EXOSC3: variants seen among roughly 807,000 people sequenced by gnomAD.
EXOSC3 encodes exosome complex component RRP40.
EXOSC3 carries 18 observed loss-of-function variants against 25.1 expected under a neutral mutation model. That is an observed-to-expected ratio of 0.72 (90% CI 0.50 to 1.06). EXOSC3 has a LOEUF of 1.06. EXOSC3 is among the 50% of genes least tolerant of loss of function. The pLI is 0.00. For synonymous variants in EXOSC3, 165 were observed against 132.2 expected, an observed-to-expected ratio of 1.25 and a Z score of -1.70; for missense variants, 382 against 350.9, an observed-to-expected ratio of 1.09 and a Z score of -0.71.
At chr9:37,783,862 G>T in intron 2 of EXOSC3, 52 bp downstream of exon 2, 1 of 1,583,992 alleles carries the variant, frequency 6.3e-7, no homozygotes, top group Non-Finnish European at 8.6e-7. Context: ...ATATGTGAGT[G>T]TTCTAGGGAA....
chr9:37,781,851 G>T, intron 3 of EXOSC3, 135 bp downstream of exon 3: 1 of 953,664 alleles, frequency 1.0e-6, no homozygotes, highest in Non-Finnish European at 1.6e-6. Context: ...TTCCAAATGT[G>T]TTAAAATGGA....
upstream of EXOSC3, chr9:37,785,087 TTCCGC>T: frequency 6.5e-7 from 1 of 1,544,902 alleles, no homozygotes; most frequent in East Asian, 2.3e-5. Flanking sequence ...CGCCTTCCGC[TTCCGC>T]TCCGCTTCCA....
intron 2 of EXOSC3, 171 bp downstream of exon 2, chr9:37,783,743 T>C (rs1828642457): frequency 1.7e-5 from 8 of 469,470 alleles, no homozygotes; most frequent in Non-Finnish European, 2.9e-5. Flanking sequence ...ATAATAATTA[T>C]GTGGCTCTGA....
rs955554007 is a variant in EXOSC3 at position 37,780,823 on chromosome 9, C to A, written c.684G>T (p.Glu228Asp). 2 of 1,613,654 alleles carry A rather than the reference C, an allele frequency of 1.2e-6. No individual in the cohort carries two copies. The highest frequency in any genetic ancestry group is 2.7e-5 in the African/African-American group (2 of 74,932). The change falls in exon 4 of 4, where the codon GAG becomes GAT. Residue 228 changes from glutamate to aspartate, a missense_variant. Physicochemically the swap from Glu to Asp is conservative, Grantham distance 45. Coordinates refer to ENST00000327304, the MANE Select transcript of EXOSC3 (RefSeq NM_016042.4). ...IQEVGKLYPL[E>D]IVFGMNGRIW... ...TTCTTCCATTCATTCCAAATACTAT[C>A]TCCAGTGGATAGAGTTTTCCCACTT...
chr9:37,783,869 G>A (rs748651701), intron 2 of EXOSC3, 45 bp downstream of exon 2: 3 of 1,592,792 alleles, frequency 1.9e-6, no homozygotes, highest in Non-Finnish European at 2.6e-6. Context: ...AGTGTTCTAG[G>A]GAATGGATGT....
chr9:37,780,746 A>G lies in EXOSC3; in HGVS notation c.761T>C (p.Leu254Ser). Residue 254 changes from leucine (L) to serine (S), a missense_variant, in exon 4 of 4, where the codon TTA (leucine) becomes TCA (serine). Physicochemically the swap from Leu to Ser is moderately radical, Grantham distance 145. Coordinates refer to ENST00000327304, the MANE Select transcript of EXOSC3 (RefSeq NM_016042.4). ...IQQTLILANILEACEHMTSDQ... is the reference protein window; with the variant it reads ...IQQTLILANISEACEHMTSDQ... ...TGACGTCATGTGTTCACAAGCTTCT[A>G]AAATGTTTGCCAAAATTAAAGTCTG... 6.2e-7 allele frequency: 1 copy of G among 1,614,030 alleles called. No individual in the cohort carries two copies. The highest frequency in any genetic ancestry group is 8.5e-7 in the Non-Finnish European group (1 of 1,179,928).
intron 2 of EXOSC3, among the ~76,000 whole-genome samples, chr9:37,783,308 G>A (rs181885995): frequency 4.6e-5 from 7 of 152,308 alleles, no homozygotes; most frequent in African/African-American, 1.4e-4. Context: ...GCCTGAACTT[G>A]TGGAGATAAA....
At chr9:37,784,676 C>T in intron 1 of EXOSC3, 45 bp downstream of exon 1, 1 of 1,537,208 alleles carries the variant, frequency 6.5e-7, no homozygotes. Context: ...CAAAGCAGGG[C>T]TACCACTCTC....
chr9:37,782,288 T>G lies in EXOSC3; in HGVS notation c.475-151A>C, dbSNP rs1212738625. 4 of 762,646 alleles carry G rather than the reference T, an allele frequency of 5.2e-6. No homozygotes were observed. The South Asian group carries it at 7.7e-5, about 15-fold the overall frequency. The allele number at this position is 762,646 out of a possible 1,614,324, so 47.2% of individuals were successfully genotyped here. A position where few individuals can be genotyped will look rare whatever the true frequency, so the allele number is the denominator to read the frequency against. ...AGGATTCCCACAGTCACTTTGGAGT[T>G]GAGTCTTGGGGAAAAAAAGGAACAC... On this transcript the variant is annotated intron_variant, in intron 2 of 3. Coordinates refer to ENST00000327304, the MANE Select transcript of EXOSC3 (RefSeq NM_016042.4).
At position 37,780,639 on chromosome 9, in the gene EXOSC3, GTT is replaced by G. The variant is rs760815181; in HGVS notation, c.*38_*39del. 3 of 1,565,384 alleles carry G rather than the reference GTT, an allele frequency of 1.9e-6. No individual in the cohort carries two copies. The highest frequency in any genetic ancestry group is 1.8e-6 in the Non-Finnish European group (2 of 1,140,694). ...GGAGGTTCACCTGAAAAAACCCATA[GTT>G]TTTTGCCTCAACTGACCTGTAAAAA... On this transcript the variant is annotated 3_prime_UTR_variant, in exon 4 of 4. Transcript: ENST00000327304.
chr9:37,785,068 T>G, upstream of EXOSC3: 1 of 1,573,736 alleles, frequency 6.4e-7, no homozygotes, highest in Non-Finnish European at 8.6e-7. Flanking sequence ...AAACACCGTT[T>G]CCGGTACCCG....
In EXOSC3 at chr9:37,780,747, A is replaced by C. The variant is rs1828572140; in HGVS notation, c.760T>G (p.Leu254Val). ...GACGTCATGTGTTCACAAGCTTCTA[A>C]AATGTTTGCCAAAATTAAAGTCTGC... is the stretch of plus-strand genomic sequence containing the variant. ...IQQTLILANI[L>V]EACEHMTSDQ... Residue 254 changes from leucine (L) to valine (V), a missense_variant, in exon 4 of 4, where the codon TTA becomes GTA. Physicochemically the swap from Leu to Val is conservative, Grantham distance 32. Transcript: ENST00000327304. 4 of 1,614,034 alleles carry C rather than the reference A, an allele frequency of 2.5e-6. No individual in the cohort carries two copies. In the East Asian group the frequency reaches 8.9e-5, roughly 36 times the overall value.
chr9:37,783,129 GAC>G (rs1589060404), intron 2 of EXOSC3, among the ~76,000 whole-genome samples: 1 of 152,206 alleles, frequency 6.6e-6, no homozygotes, highest in East Asian at 1.9e-4. Context: ...GATGAGGAAA[GAC>G]ACCTGGAGTG....
In EXOSC3 at chr9:37,781,973, C is replaced by CAT; in HGVS notation, c.626+11_626+12dup. ...TATAAAAAGCAGTCAAGCCAGCAGA[C>CAT]ATCAGGACTTACTTTCTAATTAAGC... On this transcript the variant is annotated intron_variant, in intron 3 of 3. Coordinates refer to ENST00000327304, the MANE Select transcript of EXOSC3 (RefSeq NM_016042.4). 6.2e-7 allele frequency: 1 copy of CAT among 1,611,110 alleles called. No homozygotes were observed. Among genetic ancestry groups the CAT allele is most frequent in the Non-Finnish European group, 8.5e-7 (1 of 1,179,190 alleles).
At position 37,781,827 on chromosome 9, in the gene EXOSC3, T is replaced by A. The variant is rs552607341; in HGVS notation, c.626+159A>T. Reference sequence around the variant, plus strand: ...TTGATATGTTTCCAAGAAGATAGGATTAAATTCATGAGTTTCCAAATGTGT... The same window carrying A: ...TTGATATGTTTCCAAGAAGATAGGAATAAATTCATGAGTTTCCAAATGTGT... On this transcript the variant is annotated intron_variant, in intron 3 of 3. Coordinates refer to ENST00000327304, the MANE Select transcript of EXOSC3 (RefSeq NM_016042.4). The A allele has an allele frequency of 2.7e-5, 21 of 769,654 alleles. No individual in the cohort carries two copies. The South Asian group carries it at 3.8e-4, about 14-fold the overall frequency. 47.7% of individuals were successfully genotyped at this position (769,654 alleles called of 1,614,324 possible).
chr9:37,783,919 C>T lies in EXOSC3; in HGVS notation c.469G>A (p.Val157Met). ...EGATKRNRPN[V>M]QVGDLIYGQF... ...CCAAAGGCTCCCGTAATTACCTGCACATTTGGTCTGTTTCTTTTAGTTGCA... is the reference window on the plus strand; with the variant it reads ...CCAAAGGCTCCCGTAATTACCTGCATATTTGGTCTGTTTCTTTTAGTTGCA... The change falls in exon 2 of 4, where the codon GTG becomes ATG. Residue 157 changes from valine to methionine, a missense_variant. Val to Met is a conservative substitution (Grantham distance 21). Transcript: ENST00000327304. 1 of 1,611,254 alleles carries T rather than the reference C, an allele frequency of 6.2e-7. No homozygotes were observed. The highest frequency in any genetic ancestry group is 8.5e-7 in the Non-Finnish European group (1 of 1,179,604).
rs1828567719 is a variant in EXOSC3 at position 37,780,672 on chromosome 9, ACCTATATCAACTT to A, written c.822_*6del. 4 of 1,612,376 alleles carry A rather than the reference ACCTATATCAACTT, an allele frequency of 2.5e-6. No homozygotes were observed. Among genetic ancestry groups the A allele is most frequent in the Non-Finnish European group, 3.4e-6 (4 of 1,179,570 alleles). On this transcript the variant is annotated stop_lost and 3_prime_UTR_variant, in exon 4 of 4. Transcript: ENST00000327304. The stretch of plus-strand genomic sequence containing the variant: ...CCTCAACTGACCTGTAAAAAAGTCC[ACCTATATCAACTT>A]TCTGCCAATCTGGAGAAGATCTGTT...
intron 2 of EXOSC3, among the ~76,000 whole-genome samples, chr9:37,782,685 C>T (rs954144496): frequency 6.6e-6 from 1 of 152,182 alleles, no homozygotes; most frequent in Admixed American, 6.5e-5. Context: ...TACTTAAAAA[C>T]CTCATAGAGC....
chr9:37,784,136 CT>C (rs1189858218), intron 1 of EXOSC3, 73 bp from the exon 2 acceptor site: 2 of 1,477,450 alleles, frequency 1.4e-6, no homozygotes, highest in African/African-American at 2.8e-5. Flanking sequence ...TCAGCAAGTC[CT>C]TTGTGGTTAC....
Sources: gnomAD v4.1 joint callset for allele counts (sites outside exome capture counted in the v4.1 genomes callset) on GRCh38, gnomAD v4.1.1 for gene constraint, MANE v1.5 for transcripts, NCBI Gene and HGNC (gene_info 2026-07-23, HGNC 2026-07-21) for gene names.